The following GHR variants were observed in gnomAD, a reference collection of about 807,000 sequenced individuals.
The protein encoded by GHR is growth hormone receptor.
A neutral mutation model predicts 67.1 loss-of-function variants in GHR; 35 were observed. The ratio of observed to expected loss-of-function variants is 0.52; its 90% CI spans 0.40 to 0.69. The LOEUF (loss-of-function observed/expected upper bound fraction) is 0.69, where lower values mean the gene tolerates loss of function less well. Among genes scored for constraint, GHR ranks in the 30% least tolerant of loss-of-function variants. The pLI is 0.00. For missense variants in GHR, 792 were observed against 764.6 expected (o/e 1.04, Z -0.42); for synonymous variants, 272 against 269.1 (o/e 1.01, Z -0.10).
chr5:42,576,235 A>C (rs1036829177), intron 2 of GHR, among the ~76,000 whole-genome samples: 2 of 151,962 alleles, frequency 1.3e-5, no homozygotes, highest in African/African-American at 4.8e-5. Flanking sequence ...AGTTTCTTAC[A>C]TTCTCTGAGC....
At chr5:42,443,269 C>T (rs1219254366) in intron 1 of GHR, among the ~76,000 whole-genome samples, 1 of 152,156 alleles carries the variant, frequency 6.6e-6, no homozygotes, top group Non-Finnish European at 1.5e-5. Context: ...TAATGTATTA[C>T]TTGGAACTCA....
At chr5:42,493,197 T>G (rs921580297) in intron 1 of GHR, among the ~76,000 whole-genome samples, 1 of 152,160 alleles carries the variant, frequency 6.6e-6, no homozygotes, top group Non-Finnish European at 1.5e-5. Flanking sequence ...AGTGTGTCAG[T>G]GGAGGTGGGG....
intron 1 of GHR, among the ~76,000 whole-genome samples, chr5:42,561,506 T>C (rs996451251): frequency 6.6e-5 from 10 of 152,244 alleles, no homozygotes; most frequent in African/African-American, 2.4e-4. Context: ...TTTTCTCATG[T>C]GTTTATGAAC....
chr5:42,705,864 T>C (rs1026679028), intron 6 of GHR, among the ~76,000 whole-genome samples: 3 of 152,130 alleles, frequency 2.0e-5, no homozygotes, highest in Non-Finnish European at 2.9e-5. Flanking sequence ...CACGCATGCA[T>C]GTGTCTTTAT....
chr5:42,514,473 T>TA (rs5867591), intron 1 of GHR: 2,217 of 192,088 alleles, frequency 0.012, 2 homozygotes, highest in Non-Finnish European at 0.016. Context: ...GTTCTAGATT[T>TA]AAAAAAAAAA....
At chr5:42,568,216 C>T (rs1442068310) in intron 2 of GHR, among the ~76,000 whole-genome samples, 1 of 151,820 alleles carries the variant, frequency 6.6e-6, no homozygotes, top group Non-Finnish European at 1.5e-5. Context: ...ATATACTGGC[C>T]CTGAAAGGAT....
intron 2 of GHR, among the ~76,000 whole-genome samples, chr5:42,624,784 A>G (rs143442641): frequency 8.9e-4 from 135 of 152,346 alleles, no homozygotes; most frequent in African/African-American, 3.2e-3. Flanking sequence ...TCTTAGAGAA[A>G]GAATTAATGA....
chr5:42,502,847 A>G (rs1340135734), intron 1 of GHR, among the ~76,000 whole-genome samples: 1 of 148,570 alleles, frequency 6.7e-6, no homozygotes, highest in East Asian at 1.9e-4. Flanking sequence ...TTAAAATAAT[A>G]ATTATTTTTA....
At chr5:42,694,366 A>C (rs1478169065) in intron 4 of GHR, among the ~76,000 whole-genome samples, 1 of 152,168 alleles carries the variant, frequency 6.6e-6, no homozygotes, top group African/African-American at 2.4e-5. Flanking sequence ...TTTGAGTCTT[A>C]TTTTAGCCTG....
intron 2 of GHR, among the ~76,000 whole-genome samples, chr5:42,615,975 A>G (rs2112691796): frequency 6.6e-6 from 1 of 152,184 alleles, no homozygotes; most frequent in Admixed American, 6.6e-5. Flanking sequence ...AAGTCATAGT[A>G]TCCTTTCACG....
chr5:42,453,526 C>T (rs1303772861), intron 1 of GHR, among the ~76,000 whole-genome samples: 1 of 152,126 alleles, frequency 6.6e-6, no homozygotes, highest in African/African-American at 2.4e-5. Context: ...TCCTCAGCTC[C>T]CCTGCCAAGT....
intron 1 of GHR, chr5:42,468,285 TG>T: frequency 6.3e-7 from 1 of 1,575,632 alleles, no homozygotes; most frequent in East Asian, 2.2e-5. Flanking sequence ...CTGGGCGGCA[TG>T]GGCCTAGGGC....
At chr5:42,545,781 C>T (rs1171340357) in intron 1 of GHR, among the ~76,000 whole-genome samples, 1 of 152,142 alleles carries the variant, frequency 6.6e-6, no homozygotes, top group Admixed American at 6.5e-5. Flanking sequence ...CAAAGTCCTT[C>T]ACTTTCCTAC....
At chr5:42,558,621 T>C (rs1172754434) in intron 1 of GHR, among the ~76,000 whole-genome samples, 1 of 152,228 alleles carries the variant, frequency 6.6e-6, no homozygotes, top group African/African-American at 2.4e-5. Context: ...TGTGGTAAAA[T>C]TGCTTATACT....
intron 1 of GHR, chr5:42,468,484 T>G: frequency 1.3e-6 from 1 of 792,982 alleles, no homozygotes; most frequent in African/African-American, 1.7e-5. Flanking sequence ...CAGAGTTCAC[T>G]GGCTCTGCAG....
At chr5:42,623,716 G>C (rs1349250291) in intron 2 of GHR, among the ~76,000 whole-genome samples, 4 of 152,112 alleles carry the variant, frequency 2.6e-5, no homozygotes, top group Non-Finnish European at 4.4e-5. Flanking sequence ...GAAAAATGTG[G>C]GCTCACTGAG....
rs568084440 is a variant in GHR at position 42,438,358 on chromosome 5, A to G, written c.-12+14403A>G. ...ACTCCCATGCTTCTAACCACTGCCT[A>G]TGTGATGGTTCTTTGAAATTCCTCC... On this transcript the variant is annotated intron_variant, in intron 1 of 9. Coordinates refer to ENST00000230882, the MANE Select transcript of GHR (RefSeq NM_000163.5). Among the ~76,000 whole-genome samples, 13 of 152,268 alleles carry G rather than the reference A, an allele frequency of 8.5e-5. No homozygotes were observed. The East Asian group carries it at 2.5e-3, about 29-fold the overall frequency.
At chr5:42,445,229 A>G (rs1447160020) in intron 1 of GHR, among the ~76,000 whole-genome samples, 2 of 152,238 alleles carry the variant, frequency 1.3e-5, no homozygotes, top group African/African-American at 4.8e-5. Flanking sequence ...GTATTTAACA[A>G]AATTTTCTGG....
At chr5:42,497,736 A>G (rs892979697) in intron 1 of GHR, among the ~76,000 whole-genome samples, 2 of 152,222 alleles carry the variant, frequency 1.3e-5, no homozygotes, top group African/African-American at 4.8e-5. Flanking sequence ...AAGTCGTCAG[A>G]TACATACAAT....
Sources: gnomAD v4.1 joint callset for allele counts (sites outside exome capture counted in the v4.1 genomes callset) on GRCh38, gnomAD v4.1.1 for gene constraint, MANE v1.5 for transcripts, NCBI Gene and HGNC (gene_info 2026-07-23, HGNC 2026-07-21) for gene names.